The following KLRG2 variants were observed in gnomAD, a reference collection of about 807,000 sequenced individuals.
KLRG2 encodes killer cell lectin-like receptor subfamily G member 2.
A neutral mutation model predicts 35.4 loss-of-function variants in KLRG2; 39 were observed. That is an observed-to-expected ratio of 1.10 (90% confidence interval 0.85 to 1.44). The LOEUF (loss-of-function observed/expected upper bound fraction) is 1.44. Among genes scored for constraint, KLRG2 ranks in the 40% most tolerant of loss-of-function variants. The pLI, the probability that KLRG2 is intolerant of heterozygous loss-of-function variation, is 0.00. For missense variants in KLRG2, 632 were observed against 570.9 expected (o/e 1.11, Z -1.09); for synonymous variants, 283 against 265.8 (o/e 1.06, Z -0.63).
At chr7:139,458,043 G>T (rs1796506486) in intron 3 of KLRG2, among the ~76,000 whole-genome samples, 1 of 152,066 alleles carries the variant, frequency 6.6e-6, no homozygotes, top group Non-Finnish European at 1.5e-5. Context: ...ATAGAAAATT[G>T]TTTCCTATGC....
Position 139,482,909 on chromosome 7 carries a change from A to G in KLRG2, c.734T>C (p.Leu245Pro). The change falls in exon 1 of 5, where the codon CTG becomes CCG. Residue 245 changes from leucine (L) to proline (P), a missense_variant. Coordinates refer to ENST00000340940, the MANE Select transcript of KLRG2 (RefSeq NM_198508.4). ...ACCCGTAAGCGTTACGGCCCGGGGC[A>G]GCTTCTCGTCGCCGTCCAACCCCGC... ...PRAGLDGDEK[L>P]PRAVTLTGLP... 1 of 1,492,498 alleles carries G rather than the reference A, an allele frequency of 6.7e-7. No individual in the cohort carries two copies. Among genetic ancestry groups the G allele is most frequent in the Admixed American group, 2.3e-5 (1 of 43,596 alleles). The allele number at this position is 1,492,498 out of a possible 1,614,324, so 92.5% of individuals were successfully genotyped here. A position where few individuals can be genotyped will look rare whatever the true frequency, so the allele number is the denominator to read the frequency against.
intron 3 of KLRG2, among the ~76,000 whole-genome samples, chr7:139,477,528 T>A (rs889171363): frequency 6.6e-6 from 1 of 151,928 alleles, no homozygotes; most frequent in African/African-American, 2.4e-5. Context: ...TTAGAATAGT[T>A]CAAACCAAAG....
In KLRG2 at chr7:139,483,132, G is replaced by T; in HGVS notation, c.511C>A (p.Leu171Ile). Residue 171 changes from leucine (L) to isoleucine (I), a missense_variant, in exon 1 of 5, where the codon CTC (leucine) becomes ATC (isoleucine). Leu to Ile is a conservative substitution (Grantham distance 5). Coordinates refer to ENST00000340940, the MANE Select transcript of KLRG2 (RefSeq NM_198508.4). ...FSRHADPAHQ[L>I]LLRAPSQGGT... ...CCCTGGGATGGTGCGCGCAGCAGGA[G>T]CTGGTGCGCCGGGTCCGCGTGGCGG... 1 of 1,485,594 alleles carries T rather than the reference G, an allele frequency of 6.7e-7. No homozygotes were observed. The allele number at this position is 1,485,594 out of a possible 1,614,324, so 92.0% of individuals were successfully genotyped here.
At chr7:139,430,234 C>G in the KLRG2 span, among the ~76,000 whole-genome samples, 1 of 152,044 alleles carries the variant, frequency 6.6e-6, no homozygotes, top group African/African-American at 2.4e-5. Context: ...GAAACCCCAT[C>G]TCTACTAAAA....
At chr7:139,443,045 G>T in the KLRG2 span, among the ~76,000 whole-genome samples, 3 of 149,214 alleles carry the variant, frequency 2.0e-5, no homozygotes, top group Non-Finnish European at 4.4e-5. Flanking sequence ...TATACATTTA[G>T]TTAATATTCC....
At chr7:139,439,778 G>C in the KLRG2 span, among the ~76,000 whole-genome samples, 2 of 152,168 alleles carry the variant, frequency 1.3e-5, no homozygotes, top group Non-Finnish European at 2.9e-5. Context: ...TGATGGGTTG[G>C]TTTCCCAGGA....
chr7:139,481,891 C>T (rs1288626437), intron 1 of KLRG2, among the ~76,000 whole-genome samples: 1 of 151,764 alleles, frequency 6.6e-6, no homozygotes, highest in Non-Finnish European at 1.5e-5. Flanking sequence ...TGTGCCATTG[C>T]ACTCCAGCCT....
Position 139,482,871 on chromosome 7 carries a change from C to G in KLRG2, c.757+15G>C. The G allele has an allele frequency of 7.2e-7, 1 of 1,397,518 alleles. No individual in the cohort carries two copies. Among genetic ancestry groups the G allele is most frequent in the African/African-American group, 1.5e-5 (1 of 66,604 alleles). 86.6% of individuals were successfully genotyped at this position (1,397,518 alleles called of 1,614,324 possible). A position where few individuals can be genotyped will look rare whatever the true frequency, so the allele number is the denominator to read the frequency against. On this transcript the variant is annotated intron_variant, in intron 1 of 4. Transcript: ENST00000340940. The stretch of plus-strand genomic sequence containing the variant: ...GACCTGGCGGCGTCGGCTGCCGGCG[C>G]AGGTGAGCACTCACCCGTAAGCGTT...
downstream of KLRG2, among the ~76,000 whole-genome samples, chr7:139,449,768 T>C (rs867296810): frequency 1.2e-4 from 18 of 149,098 alleles, no homozygotes; most frequent in African/African-American, 3.5e-4. Flanking sequence ...GGCACGATCT[T>C]GGCTCACTGC....
At position 139,468,456 on chromosome 7, in the gene KLRG2, T is replaced by A. The variant is rs188107975; in HGVS notation, c.1005+11171A>T. 4.2e-3 allele frequency among the ~76,000 whole-genome samples: 645 copies of A among 152,308 alleles called. 2 individuals carry two copies. Among genetic ancestry groups the A allele is most frequent in the Non-Finnish European group, 5.8e-3 (395 of 68,026 alleles). On this transcript the variant is annotated intron_variant, in intron 3 of 4. Coordinates refer to ENST00000340940, the MANE Select transcript of KLRG2 (RefSeq NM_198508.4). ...TCCCCAACTGAGCACCTTGTGACCC[T>A]TGCCCCTGCCTGCCAGAGAACAACC...
At chr7:139,478,009 C>T (rs1454178073) in intron 3 of KLRG2, among the ~76,000 whole-genome samples, 4 of 151,518 alleles carry the variant, frequency 2.6e-5, no homozygotes, top group Non-Finnish European at 4.4e-5. Context: ...CCACCCGCCT[C>T]GGCCTCCCAA....
downstream of KLRG2, among the ~76,000 whole-genome samples, chr7:139,448,585 C>T (rs1796335033): frequency 6.6e-6 from 1 of 152,114 alleles, no homozygotes; most frequent in Non-Finnish European, 1.5e-5. Flanking sequence ...ATCCCAGCTA[C>T]TCGAGGCTGA....
At position 139,458,310 on chromosome 7, in the gene KLRG2, C is replaced by T. The variant is rs150824065; in HGVS notation, c.1006-4096G>A. Among the ~76,000 whole-genome samples, 4 of 151,300 alleles carry T rather than the reference C, an allele frequency of 2.6e-5. No homozygotes were observed. The East Asian group carries it at 5.8e-4, about 22-fold the overall frequency. ...GAAGGATGGCTTGACCCCGGGAGGT[C>T]GAGGCTGCACTGAGCCATGATTGCA... On this transcript the variant is annotated intron_variant, in intron 3 of 4. Transcript: ENST00000340940.
chr7:139,454,964 C>T (rs1796443061), intron 3 of KLRG2, among the ~76,000 whole-genome samples: 1 of 151,534 alleles, frequency 6.6e-6, no homozygotes, highest in Non-Finnish European at 1.5e-5. Flanking sequence ...CTCAATGTCA[C>T]ACTATTTTTA....
intron 3 of KLRG2, among the ~76,000 whole-genome samples, chr7:139,456,301 G>A (rs914864648): frequency 2.6e-5 from 4 of 152,180 alleles, no homozygotes; most frequent in Non-Finnish European, 4.4e-5. Context: ...TGAAATAGGT[G>A]CTCCTCCCTC....
chr7:139,469,174 T>G (rs775848425), intron 3 of KLRG2, among the ~76,000 whole-genome samples: 4 of 152,222 alleles, frequency 2.6e-5, no homozygotes, highest in Admixed American at 1.3e-4. Flanking sequence ...ATTTACTTAT[T>G]TTTTTGAGAT....
At chr7:139,436,410 G>A in the KLRG2 span, among the ~76,000 whole-genome samples, 1 of 152,098 alleles carries the variant, frequency 6.6e-6, no homozygotes, top group Admixed American at 6.5e-5. Context: ...TGGTAACAGT[G>A]ACAGCTTAGT....
At chr7:139,472,244 A>G (rs755121562) in intron 3 of KLRG2, among the ~76,000 whole-genome samples, 18 of 152,164 alleles carry the variant, frequency 1.2e-4, no homozygotes, top group Non-Finnish European at 2.2e-4. Flanking sequence ...GGGGAAAAAA[A>G]TCATGACTAA....
the KLRG2 span, among the ~76,000 whole-genome samples, chr7:139,443,993 C>T: frequency 5.3e-5 from 8 of 152,172 alleles, no homozygotes; most frequent in African/African-American, 1.9e-4. Context: ...GAGCCCCTGG[C>T]AAACCACTGG....
Sources: allele counts gnomAD v4.1 joint callset (sites outside exome capture counted in the v4.1 genomes callset), GRCh38; gene constraint gnomAD v4.1.1; transcripts MANE v1.5; gene names NCBI Gene and HGNC (gene_info 2026-07-23, HGNC 2026-07-21).